The following FCER1A variants were observed in gnomAD, a reference collection of about 807,000 sequenced individuals.
The protein encoded by FCER1A is high affinity immunoglobulin epsilon receptor subunit alpha.
In FCER1A, 24 loss-of-function variants were observed where a neutral mutation model predicts 23.6. That is an observed-to-expected ratio of 1.02 (90% CI 0.74 to 1.43). The LOEUF (loss-of-function observed/expected upper bound fraction) is 1.43, where lower values mean the gene tolerates loss of function less well. FCER1A is among the 40% of genes most tolerant of loss of function. FCER1A has a pLI of 0.00. For missense variants in FCER1A, 318 were observed against 294.5 expected (o/e 1.08, Z -0.58); for synonymous variants, 121 against 108.8 (o/e 1.11, Z -0.70).
Position 159,305,980 on chromosome 1 carries a change from T to C in FCER1A, c.332-8T>C. 6.2e-7 allele frequency: 1 copy of C among 1,612,646 alleles called. No homozygotes were observed. Among genetic ancestry groups the C allele is most frequent in the East Asian group, 2.2e-5 (1 of 44,856 alleles). On this transcript the variant is annotated splice_polypyrimidine_tract_variant and splice_region_variant and intron_variant, in intron 3 of 4. Coordinates refer to ENST00000693622, the MANE Select transcript of FCER1A (RefSeq NM_001387280.1). ...TGTTAAATAAATAATGTAATGAATG[T>C]TCTTCAGACTGGCTGCTCCTTCAGG...
At chr1:159,301,027 C>G (rs530068533), upstream of FCER1A, among the ~76,000 whole-genome samples, 1 of 152,260 alleles carries the variant, frequency 6.6e-6, no homozygotes, top group South Asian at 2.1e-4. Flanking sequence ...TATTTATTAA[C>G]CTTTTTAGCC....
At position 159,302,446 on chromosome 1, in the gene FCER1A, C is replaced by T. The variant is rs747938347; in HGVS notation, c.55+27C>T. On this transcript the variant is annotated intron_variant, in intron 1 of 4. Coordinates refer to ENST00000693622, the MANE Select transcript of FCER1A (RefSeq NM_001387280.1). The stretch of plus-strand genomic sequence containing the variant: ...TAAGTAGAGATTCAATTACCCCTCC[C>T]AGGGAGGCCCAAATGAATTTGGGGA... 35 of 1,515,386 alleles carry T rather than the reference C, an allele frequency of 2.3e-5. 1 individual carries two copies. The South Asian group carries it at 3.8e-4, about 17-fold the overall frequency. 93.9% of individuals were successfully genotyped at this position (1,515,386 alleles called of 1,614,324 possible).
chr1:159,298,099 C>A (rs12119586), upstream of FCER1A, among the ~76,000 whole-genome samples: 5,502 of 152,134 alleles, frequency 0.036, 110 homozygotes, highest in Middle Eastern at 0.092. Context: ...TTGTTTGAGT[C>A]CACCTTATGG....
Position 159,305,975 on chromosome 1 carries a change from G to T in FCER1A, c.332-13G>T, listed in dbSNP as rs999540382. 2 of 1,611,510 alleles carry T rather than the reference G, an allele frequency of 1.2e-6. No individual in the cohort carries two copies. The highest frequency in any genetic ancestry group is 2.2e-5 in the South Asian group (2 of 90,946). Reference sequence around the variant, plus strand: ...TTTATTGTTAAATAAATAATGTAATGAATGTTCTTCAGACTGGCTGCTCCT... The same window carrying T: ...TTTATTGTTAAATAAATAATGTAATTAATGTTCTTCAGACTGGCTGCTCCT... On this transcript the variant is annotated splice_polypyrimidine_tract_variant and intron_variant, in intron 3 of 4. Coordinates refer to ENST00000693622, the MANE Select transcript of FCER1A (RefSeq NM_001387280.1).
At chr1:159,307,511 A>T (rs530230801) in intron 4 of FCER1A, among the ~76,000 whole-genome samples, 49 of 152,272 alleles carry the variant, frequency 3.2e-4, no homozygotes, top group African/African-American at 1.2e-3. Flanking sequence ...GGCACGGCAC[A>T]CTGGCTACTG....
At chr1:159,299,911 G>C (rs1320814721), upstream of FCER1A, among the ~76,000 whole-genome samples, 1 of 143,282 alleles carries the variant, frequency 7.0e-6, no homozygotes, top group African/African-American at 2.6e-5. Context: ...GGTACCTGTA[G>C]TTATATGCTA....
chr1:159,303,625 T>C (rs1399832551), intron 2 of FCER1A, among the ~76,000 whole-genome samples: 1 of 152,220 alleles, frequency 6.6e-6, no homozygotes, highest in Non-Finnish European at 1.5e-5. Context: ...CATTTACAGA[T>C]ACTGAATTGA....
chr1:159,297,777 T>A (rs762986768), upstream of FCER1A, among the ~76,000 whole-genome samples: 7 of 152,106 alleles, frequency 4.6e-5, no homozygotes, highest in South Asian at 2.1e-4. Context: ...TGGTGGCACA[T>A]CCCCATAATC....
upstream of FCER1A, among the ~76,000 whole-genome samples, chr1:159,285,483 T>C (rs1651991167): frequency 6.6e-6 from 1 of 151,872 alleles, no homozygotes; most frequent in Admixed American, 6.6e-5. Flanking sequence ...AAACTGGATA[T>C]ACTATAACCT....
upstream of FCER1A, among the ~76,000 whole-genome samples, chr1:159,289,195 CAGAGTCAG>C (rs1652087583): frequency 6.6e-6 from 1 of 152,158 alleles, no homozygotes; most frequent in Admixed American, 6.5e-5. Flanking sequence ...TCTGCCAGCT[CAGAGTCAG>C]AGGCATAGAA....
At chr1:159,304,335 C>T (rs778545797) in intron 3 of FCER1A, among the ~76,000 whole-genome samples, 153 bp downstream of exon 3, 3 of 152,202 alleles carry the variant, frequency 2.0e-5, no homozygotes, top group Non-Finnish European at 1.5e-5. Flanking sequence ...GGCACAGTGG[C>T]TCACGCCTGT....
At chr1:159,287,876 G>C (rs1304756843), upstream of FCER1A, among the ~76,000 whole-genome samples, 1 of 151,518 alleles carries the variant, frequency 6.6e-6, no homozygotes, top group African/African-American at 2.4e-5. Context: ...AATAATCAAT[G>C]AATTAATTGC....
upstream of FCER1A, among the ~76,000 whole-genome samples, chr1:159,285,603 C>A (rs1347076239): frequency 6.6e-6 from 1 of 151,382 alleles, no homozygotes; most frequent in Non-Finnish European, 1.5e-5. Flanking sequence ...ATTTGATAAT[C>A]AAGTAAAGTT....
upstream of FCER1A, among the ~76,000 whole-genome samples, chr1:159,297,662 T>C (rs1652327560): frequency 6.6e-6 from 1 of 152,176 alleles, no homozygotes; most frequent in Admixed American, 6.5e-5. Flanking sequence ...TCTTAATTAA[T>C]CTTGCACTTA....
chr1:159,286,227 G>A (rs1452473080), upstream of FCER1A, among the ~76,000 whole-genome samples: 1 of 151,756 alleles, frequency 6.6e-6, no homozygotes, highest in Non-Finnish European at 1.5e-5. Flanking sequence ...AAATTTAAAT[G>A]CATGCACAAA....
At chr1:159,299,189 A>C (rs1389854080), upstream of FCER1A, among the ~76,000 whole-genome samples, 1 of 152,148 alleles carries the variant, frequency 6.6e-6, no homozygotes, top group East Asian at 1.9e-4. Flanking sequence ...CCTCAGGGAG[A>C]GATCAACATT....
At chr1:159,290,298 G>T (rs1183467996) in intron 1 of FCER1A, among the ~76,000 whole-genome samples, 1 of 152,014 alleles carries the variant, frequency 6.6e-6, no homozygotes, top group African/African-American at 2.4e-5. Flanking sequence ...CTAACTCAGG[G>T]GTACTTAAGT....
rs368188084 is a variant in FCER1A, at chr1:159,302,956, C to T, written c.76+82C>T. The T allele has an allele frequency of 1.1e-4, 140 of 1,279,102 alleles. No individual in the cohort carries two copies. The African/African-American group carries it at 1.9e-3, about 17-fold the overall frequency. 79.2% of individuals were successfully genotyped at this position (1,279,102 alleles called of 1,614,324 possible). Reference sequence around the variant, plus strand: ...TCTCACTATTTTCTTCGTCCCATCACTTCTGCTTTCTAATGAGCATGAATC... The same window carrying T: ...TCTCACTATTTTCTTCGTCCCATCATTTCTGCTTTCTAATGAGCATGAATC... On this transcript the variant is annotated intron_variant, in intron 2 of 4. Transcript: ENST00000693622.
chr1:159,290,673 G>T (rs12134212), intron 1 of FCER1A, among the ~76,000 whole-genome samples: 5,519 of 152,200 alleles, frequency 0.036, 112 homozygotes, highest in Middle Eastern at 0.092. Context: ...AAACAAGGAT[G>T]CTGATAGTAC....
Sources: gnomAD v4.1 joint callset for allele counts (sites outside exome capture counted in the v4.1 genomes callset) on GRCh38, gnomAD v4.1.1 for gene constraint, MANE v1.5 for transcripts, NCBI Gene and HGNC (gene_info 2026-07-23, HGNC 2026-07-21) for gene names.